CERS6: variants seen among roughly 807,000 people sequenced by gnomAD.
CERS6 encodes the protein LAG1 homolog, ceramide synthase 6.
CERS6 carries 26 observed loss-of-function variants against 56.8 expected under a neutral mutation model. The observed-to-expected ratio is 0.46, with a 90% CI of 0.34 to 0.63. The LOEUF (loss-of-function observed/expected upper bound fraction) is 0.63, where lower values mean the gene tolerates loss of function less well. Ranked by LOEUF, CERS6 falls within the 30% of genes least tolerant of loss-of-function variation. The probability of loss-of-function intolerance (pLI) is 0.01; values close to 1 mark genes in which losing one functional copy is unlikely to be tolerated. For missense variants in CERS6, 415 were observed against 467.5 expected, an observed-to-expected ratio of 0.89 and a Z score of 1.04; for synonymous variants, 164 against 173.3, an observed-to-expected ratio of 0.95 and a Z score of 0.42.
chr2:168,529,826 C>G (rs1469980339), intron 1 of CERS6, among the ~76,000 whole-genome samples: 1 of 152,050 alleles, frequency 6.6e-6, no homozygotes, highest in East Asian at 1.9e-4. Flanking sequence ...TGTAAGGCAC[C>G]TAGAAAATAT....
Position 168,709,914 on chromosome 2 carries a change from T to G in CERS6, c.610-5087T>G, listed in dbSNP as rs571301871. On this transcript the variant is annotated intron_variant, in intron 6 of 9. Transcript: ENST00000305747. The stretch of plus-strand genomic sequence containing the variant: ...GGATGTTAGTAACACATAAAATAAT[T>G]ATTACATGGCCTTTATTAAAGGTAT... 2.5e-3 allele frequency among the ~76,000 whole-genome samples: 382 copies of G among 152,298 alleles called. 1 individual carries two copies. Among genetic ancestry groups the G allele is most frequent in the African/African-American group, 8.6e-3 (358 of 41,574 alleles).
intron 3 of CERS6, among the ~76,000 whole-genome samples, chr2:168,583,865 TTC>T (rs971993170): frequency 6.6e-6 from 1 of 152,242 alleles, no homozygotes; most frequent in African/African-American, 2.4e-5. Flanking sequence ...CTTGTGAATA[TTC>T]TCTGTTTGGC....
intron 8 of CERS6, among the ~76,000 whole-genome samples, chr2:168,725,632 CAA>C (rs1683328740): frequency 6.6e-6 from 1 of 152,064 alleles, no homozygotes; most frequent in Non-Finnish European, 1.5e-5. Flanking sequence ...AAATTTTAAC[CAA>C]GTCTTTATTT....
chr2:168,542,010 A>G (rs1386165916), intron 1 of CERS6, among the ~76,000 whole-genome samples: 1 of 152,198 alleles, frequency 6.6e-6, no homozygotes, highest in East Asian at 1.9e-4. Context: ...CAGAATAAAT[A>G]TATAAATGAA....
intron 3 of CERS6, among the ~76,000 whole-genome samples, chr2:168,591,328 C>T (rs1683665129): frequency 6.6e-6 from 1 of 152,258 alleles, no homozygotes; most frequent in African/African-American, 2.4e-5. Context: ...TCACCATCCA[C>T]ATCATGAAGT....
At chr2:168,728,303 G>A (rs554928649) in intron 8 of CERS6, among the ~76,000 whole-genome samples, 2 of 151,290 alleles carry the variant, frequency 1.3e-5, no homozygotes, top group Admixed American at 6.6e-5. Context: ...CAGTGTGGGT[G>A]GAGTGAAGTA....
intron 3 of CERS6, among the ~76,000 whole-genome samples, chr2:168,574,124 A>G (rs1420748517): frequency 6.6e-6 from 1 of 152,136 alleles, no homozygotes; most frequent in Non-Finnish European, 1.5e-5. Flanking sequence ...TTAGTCGGGG[A>G]AATGTGTCCA....
At chr2:168,602,176 C>A (rs1027476390) in intron 3 of CERS6, among the ~76,000 whole-genome samples, 3 of 152,276 alleles carry the variant, frequency 2.0e-5, no homozygotes, top group East Asian at 3.9e-4. Context: ...ATTCTTTTTT[C>A]TCTTTCTCTC....
At chr2:168,614,974 C>G (rs1039340554) in intron 3 of CERS6, among the ~76,000 whole-genome samples, 5 of 152,056 alleles carry the variant, frequency 3.3e-5, no homozygotes, top group Non-Finnish European at 7.4e-5. Context: ...TCCATTTCAC[C>G]CCCCCTGCCA....
At chr2:168,475,962 CCTAAGGCA>C (rs1370905620) in intron 1 of CERS6, among the ~76,000 whole-genome samples, 19 of 152,188 alleles carry the variant, frequency 1.2e-4, no homozygotes, top group African/African-American at 4.1e-4. Context: ...GCTAGGTAAG[CCTAAGGCA>C]CTAAGTTGGA....
chr2:168,732,554 T>C (rs1220620341), intron 8 of CERS6, among the ~76,000 whole-genome samples: 2 of 152,230 alleles, frequency 1.3e-5, no homozygotes, highest in African/African-American at 4.8e-5. Context: ...AACTTCTCTC[T>C]TCTCCTGAGC....
intron 1 of CERS6, among the ~76,000 whole-genome samples, chr2:168,481,280 T>G (rs1694173413): frequency 6.6e-6 from 1 of 152,160 alleles, no homozygotes; most frequent in Non-Finnish European, 1.5e-5. Flanking sequence ...TCAGGCGTGG[T>G]GGCTGGCACC....
chr2:168,741,526 TA>T (rs961030745), intron 8 of CERS6, among the ~76,000 whole-genome samples: 22 of 152,028 alleles, frequency 1.4e-4, no homozygotes, highest in African/African-American at 5.3e-4. Context: ...TGATGAGCTT[TA>T]AAAAAAATCC....
chr2:168,531,550 G>A (rs995907517), intron 1 of CERS6, among the ~76,000 whole-genome samples: 1 of 152,084 alleles, frequency 6.6e-6, no homozygotes, highest in Non-Finnish European at 1.5e-5. Context: ...GTCCGGGTGC[G>A]GTGGCTCACG....
intron 8 of CERS6, among the ~76,000 whole-genome samples, chr2:168,743,988 TTTTTTTC>T (rs1684009264): frequency 3.4e-5 from 4 of 118,704 alleles, no homozygotes; most frequent in African/African-American, 1.4e-4. Flanking sequence ...TCTTTTTTCT[TTTTTTTC>T]TTTTTTTTTT....
chr2:168,765,630 T>C lies in CERS6; in HGVS notation c.884T>C (p.Val295Ala). ...NTTLFESWEI[V>A]GPYPSWWVFN... Reference sequence around the variant, plus strand: ...ACATTATTTGAAAGCTGGGAGATCGTTGGACCTTACCCTTCCTGGTGGGTT... The same window carrying C: ...ACATTATTTGAAAGCTGGGAGATCGCTGGACCTTACCCTTCCTGGTGGGTT... The change falls in exon 9 of 10, where the codon GTT becomes GCT. Residue 295 changes from valine (V) to alanine (A), a missense_variant. By Grantham distance (64) the Val-to-Ala change is moderately conservative. Coordinates refer to ENST00000305747, the MANE Select transcript of CERS6 (RefSeq NM_203463.3). 1.9e-6 allele frequency: 3 copies of C among 1,614,128 alleles called. No individual in the cohort carries two copies. Among genetic ancestry groups the C allele is most frequent in the East Asian group, 2.2e-5 (1 of 44,872 alleles).
intron 4 of CERS6, among the ~76,000 whole-genome samples, chr2:168,645,524 T>C (rs1174813743): frequency 6.6e-6 from 1 of 152,146 alleles, no homozygotes; most frequent in Non-Finnish European, 1.5e-5. Context: ...AAAATAATTT[T>C]ATTTAAAAAA....
chr2:168,757,447 G>A (rs1278639502), intron 8 of CERS6, among the ~76,000 whole-genome samples: 2 of 151,970 alleles, frequency 1.3e-5, no homozygotes, highest in Non-Finnish European at 2.9e-5. Context: ...GTCTGGCCTG[G>A]CTATGACCTA....
At chr2:168,535,669 GTTT>G (rs59139047) in intron 1 of CERS6, among the ~76,000 whole-genome samples, 6 of 115,594 alleles carry the variant, frequency 5.2e-5, no homozygotes, top group Admixed American at 1.8e-4. Flanking sequence ...TTTGATACCA[GTTT>G]TTTTTTTTTT....
Sources: allele counts gnomAD v4.1 joint callset (sites outside exome capture counted in the v4.1 genomes callset), GRCh38; gene constraint gnomAD v4.1.1; transcripts MANE v1.5; gene names NCBI Gene and HGNC (gene_info 2026-07-23, HGNC 2026-07-21).